The following JAM3 variants were observed in gnomAD, a reference collection of about 807,000 sequenced individuals.
The protein encoded by JAM3 is junctional adhesion molecule 3, also known as junctional adhesion molecule C.
In JAM3, 31 loss-of-function variants were observed where a neutral mutation model predicts 39.4. That is an observed-to-expected ratio of 0.79 (90% CI 0.59 to 1.06). JAM3 has a LOEUF of 1.06. Ranked by LOEUF, JAM3 falls within the 50% of genes least tolerant of loss-of-function variation. The pLI, the probability that JAM3 is intolerant of heterozygous loss-of-function variation, is 0.00. For missense variants in JAM3, 455 were observed against 391.4 expected (o/e 1.16, Z -1.37); for synonymous variants, 182 against 148.7 (o/e 1.22, Z -1.63).
intron 1 of JAM3, among the ~76,000 whole-genome samples, chr11:134,102,386 A>C (rs146322973): frequency 0.03 from 4,587 of 152,238 alleles, 229 homozygotes; most frequent in African/African-American, 0.11. Context: ...TCGAGGACCA[A>C]AGGTAGATAA....
chr11:134,070,418 A>T, intron 1 of JAM3: 1 of 354,744 alleles, frequency 2.8e-6, no homozygotes, highest in South Asian at 2.1e-5. Flanking sequence ...GATTTTGGAA[A>T]ACAAAGCATT....
rs548427757 is a variant in JAM3, at chr11:134,080,197, G to A, written c.76+11038G>A. Among the ~76,000 whole-genome samples the A allele has an allele frequency of 2.1e-4, 32 of 152,324 alleles. 1 individual carries two copies. The South Asian group carries it at 5.8e-3, about 28-fold the overall frequency. On this transcript the variant is annotated intron_variant, in intron 1 of 8. Transcript: ENST00000299106. ...GATAAGTCCACTGGTGATAAAGAATGAGCTTAGAACCTTTGCTGTGAATCA... is the reference window on the plus strand; with the variant it reads ...GATAAGTCCACTGGTGATAAAGAATAAGCTTAGAACCTTTGCTGTGAATCA...
intron 1 of JAM3, among the ~76,000 whole-genome samples, chr11:134,075,996 G>T (rs778849636): frequency 6.6e-6 from 1 of 151,650 alleles, no homozygotes; most frequent in Non-Finnish European, 1.5e-5. Context: ...AACTTTTTCT[G>T]CTTCCAGCTG....
intron 1 of JAM3, among the ~76,000 whole-genome samples, chr11:134,132,308 A>G (rs1324752767): frequency 6.6e-6 from 1 of 152,240 alleles, no homozygotes; most frequent in Non-Finnish European, 1.5e-5. Context: ...ATTGTAAAAC[A>G]CAAATTCTAT....
Position 134,127,102 on chromosome 11 carries a change from C to T in JAM3, c.77-12749C>T, listed in dbSNP as rs143618446. 1.1e-4 allele frequency among the ~76,000 whole-genome samples: 16 copies of T among 152,280 alleles called. No homozygotes were observed. The East Asian group carries it at 3.1e-3, about 29-fold the overall frequency. On this transcript the variant is annotated intron_variant, in intron 1 of 8. Coordinates refer to ENST00000299106, the MANE Select transcript of JAM3 (RefSeq NM_032801.5). The stretch of plus-strand genomic sequence containing the variant: ...GTGTAGTTAATCTCTTGCATGAAGT[C>T]ATAGGAAGAAGAAGAATTGTAGGCA...
chr11:134,142,934 A>G (rs1411976930), intron 3 of JAM3, among the ~76,000 whole-genome samples: 1 of 152,102 alleles, frequency 6.6e-6, no homozygotes, highest in African/African-American at 2.4e-5. Flanking sequence ...TCCGTACTTC[A>G]TTTCTTTTCA....
At chr11:134,109,590 T>G (rs1436828009) in intron 1 of JAM3, among the ~76,000 whole-genome samples, 1 of 152,208 alleles carries the variant, frequency 6.6e-6, no homozygotes, top group Non-Finnish European at 1.5e-5. Flanking sequence ...TTGCCAAGGT[T>G]AAGGACATGC....
intron 8 of JAM3, 151 bp from the exon 9 acceptor site, chr11:134,148,995 C>CACAA (rs60364034): frequency 2.1e-5 from 21 of 976,814 alleles, no homozygotes; most frequent in Non-Finnish European, 2.9e-5. Flanking sequence ...CACACACACA[C>CACAA]TAATGGGATT....
intron 1 of JAM3, among the ~76,000 whole-genome samples, chr11:134,137,929 A>G (rs35880171): frequency 1.4e-4 from 16 of 115,154 alleles, no homozygotes; most frequent in East Asian, 2.7e-4. Flanking sequence ...TTTATGGCCA[A>G]TAGTCCCTTA....
chr11:134,082,617 T>C (rs774392558), intron 1 of JAM3, among the ~76,000 whole-genome samples: 1 of 152,232 alleles, frequency 6.6e-6, no homozygotes, highest in East Asian at 1.9e-4. Context: ...GTGTGAGATA[T>C]GCCTTTCACC....
intron 1 of JAM3, among the ~76,000 whole-genome samples, chr11:134,096,140 C>T (rs1373741404): frequency 1.3e-5 from 2 of 152,098 alleles, no homozygotes; most frequent in African/African-American, 4.8e-5. Flanking sequence ...CTACACCTGC[C>T]TGAGTTTTGT....
intron 1 of JAM3, among the ~76,000 whole-genome samples, chr11:134,072,068 A>C (rs549867877): frequency 6.6e-6 from 1 of 152,322 alleles, no homozygotes; most frequent in East Asian, 1.9e-4. Context: ...GGGTGGGTTT[A>C]AATCAGTTCT....
chr11:134,144,948 G>A lies in JAM3; in HGVS notation c.566G>A (p.Arg189Lys). Residue 189 changes from arginine to lysine, a missense_variant, in exon 5 of 9, where the codon AGA becomes AAA. Transcript: ENST00000299106. ...CCCACGGATTCCAGAGCCAATCCCA[G>A]ATTTCGCAATTCTTCTTTCCACTTA... ...PLPTDSRANPRFRNSSFHLNS... is the reference protein window; with the variant it reads ...PLPTDSRANPKFRNSSFHLNS... 1 of 1,614,210 alleles carries A rather than the reference G, an allele frequency of 6.2e-7. No individual in the cohort carries two copies. The highest frequency in any genetic ancestry group is 8.5e-7 in the Non-Finnish European group (1 of 1,180,038).
intron 1 of JAM3, among the ~76,000 whole-genome samples, chr11:134,104,147 TAACA>T (rs1942134109): frequency 6.6e-6 from 1 of 152,156 alleles, no homozygotes; most frequent in African/African-American, 2.4e-5. Context: ...ACAGAAATTA[TAACA>T]AACTTGTCTC....
intron 1 of JAM3, among the ~76,000 whole-genome samples, chr11:134,096,542 A>T (rs1591779496): frequency 6.6e-6 from 1 of 152,218 alleles, no homozygotes; most frequent in East Asian, 1.9e-4. Context: ...TTCTTCTCAA[A>T]TCCAGGGGCC....
chr11:134,137,171 G>A (rs1053301487), intron 1 of JAM3, among the ~76,000 whole-genome samples: 1 of 151,928 alleles, frequency 6.6e-6, no homozygotes, highest in African/African-American at 2.4e-5. Context: ...ATAATGCAGA[G>A]GGATAAAAGA....
At chr11:134,114,954 G>T (rs1367581190) in intron 1 of JAM3, among the ~76,000 whole-genome samples, 1 of 152,170 alleles carries the variant, frequency 6.6e-6, no homozygotes, top group Non-Finnish European at 1.5e-5. Context: ...CTCGAACAAA[G>T]AATCCTATGG....
rs1943198755 is a variant in JAM3, at chr11:134,150,739, G to A, written c.*1558G>A. On this transcript the variant is annotated 3_prime_UTR_variant, in exon 9 of 9. Transcript: ENST00000299106. ...GTCAAGTACAATAACATTTTTAAAA[G>A]AAAATGGATCCCACTGTTCCTCTTT... The A allele has an allele frequency of 1.3e-5, 2 of 151,996 alleles. No individual in the cohort carries two copies. Among genetic ancestry groups the A allele is most frequent in the South Asian group, 2.1e-4 (1 of 4,816 alleles). The allele number at this position is 151,996 out of a possible 1,614,324, so 9.4% of individuals were successfully genotyped here. A position where few individuals can be genotyped will look rare whatever the true frequency, so the allele number is the denominator to read the frequency against.
intron 1 of JAM3, among the ~76,000 whole-genome samples, chr11:134,132,219 C>G (rs1565500414): frequency 1.3e-5 from 2 of 152,124 alleles, no homozygotes; most frequent in Admixed American, 1.3e-4. Flanking sequence ...TTCAAGAAGA[C>G]TATAAGCTGA....
Sources: allele counts gnomAD v4.1 joint callset (sites outside exome capture counted in the v4.1 genomes callset), GRCh38; gene constraint gnomAD v4.1.1; transcripts MANE v1.5; gene names NCBI Gene and HGNC (gene_info 2026-07-23, HGNC 2026-07-21).